UTP25: variants seen among roughly 807,000 people sequenced by gnomAD.
The protein encoded by UTP25 is UTP25 small subunit processome component.
Under a neutral mutation model 78.9 loss-of-function variants are expected in UTP25, and 50 were observed. The ratio of observed to expected loss-of-function variants is 0.63; its 90% CI spans 0.50 to 0.80. The LOEUF is 0.80. UTP25 is among the 30% of genes least tolerant of loss of function. The pLI, the probability that UTP25 is intolerant of heterozygous loss-of-function variation, is 0.00. For synonymous variants in UTP25, 329 were observed against 336.5 expected (o/e 0.98, Z 0.24); for missense variants, 846 against 911.3 (o/e 0.93, Z 0.92).
At chr1:209,828,750 GACAC>G (rs59664590) in intron 1 of UTP25, among the ~76,000 whole-genome samples, 1 of 148,164 alleles carries the variant, frequency 6.7e-6, no homozygotes, top group Non-Finnish European at 1.5e-5. Flanking sequence ...ATTTTTTGTA[GACAC>G]ACATATATAT....
In UTP25 at chr1:209,847,623, C is replaced by T. The variant is rs1170273301; in HGVS notation, c.2028-3581C>T. ...AAAATGACCATTATAGCTCTTTCCC[C>T]TCCGGCCAAAAAGGATTCAGTAAGG... On this transcript the variant is annotated intron_variant, in intron 11 of 11. Transcript: ENST00000491415. 2.0e-5 allele frequency among the ~76,000 whole-genome samples: 3 copies of T among 152,202 alleles called. No homozygotes were observed. In the East Asian group the frequency reaches 5.8e-4, roughly 29 times the overall value.
Position 209,852,212 on chromosome 1 carries a change from T to C in UTP25, c.*765T>C, listed in dbSNP as rs1207887709. 2 of 152,234 alleles carry C rather than the reference T, an allele frequency of 1.3e-5. No individual in the cohort carries two copies. Among genetic ancestry groups the C allele is most frequent in the African/African-American group, 2.4e-5 (1 of 41,450 alleles). 9.4% of individuals were successfully genotyped at this position (152,234 alleles called of 1,614,324 possible). ...TGCAAATAAAAAGGAAATTACACTT[T>C]TAAAAACATTTTTATTTTGAAACAT... On this transcript the variant is annotated 3_prime_UTR_variant, in exon 12 of 12. Coordinates refer to ENST00000491415, the MANE Select transcript of UTP25 (RefSeq NM_014388.7).
Position 209,842,588 on chromosome 1 carries a change from C to T in UTP25, c.1674C>T (p.Ala558=), listed in dbSNP as rs769390383. ...KYCVNMQGQV[A]VRNVPMTGSI... is the part of the protein sequence containing the mutation. Reference sequence around the variant, plus strand: ...CTCTTGTTGACTACTGGCAGGTGGCCGTGAGGAATGTCCCAATGACAGGCT... The same window carrying T: ...CTCTTGTTGACTACTGGCAGGTGGCTGTGAGGAATGTCCCAATGACAGGCT... The change falls in exon 10 of 12, where the codon GCC becomes GCT. Residue 558 remains alanine (A), a synonymous_variant. Transcript: ENST00000491415. 1.8e-5 allele frequency: 29 copies of T among 1,613,760 alleles called. No individual in the cohort carries two copies. In the South Asian group the frequency reaches 2.1e-4, roughly 12 times the overall value.
intron 4 of UTP25, among the ~76,000 whole-genome samples, chr1:209,834,080 GAGA>G (rs2078118444): frequency 6.6e-6 from 1 of 152,160 alleles, no homozygotes; most frequent in Non-Finnish European, 1.5e-5. Flanking sequence ...TATTTTGCAG[GAGA>G]AGAAGTGACA....
rs11589904 is a variant in UTP25, at chr1:209,851,390, G to A, written c.2214G>A (p.Ala738=). ...CTGCCGTGGTTGGTGTGGAGCGGGC[G>A]GCACAGATGCTACAGTCCAACAAGA... ...RLAAVVGVER[A]AQMLQSNKNV... The change falls in exon 12 of 12, where the codon GCG becomes GCA. Residue 738 remains alanine (A), a synonymous_variant. Transcript: ENST00000491415. The A allele has an allele frequency of 4.0e-3, 6,429 of 1,613,876 alleles. 16 individuals are homozygous for A. Among genetic ancestry groups the A allele is most frequent in the South Asian group, 5.4e-3 (495 of 91,006 alleles).
At position 209,836,992 on chromosome 1, in the gene UTP25, A is replaced by G; in HGVS notation, c.843A>G (p.Glu281=). The change falls in exon 6 of 12, where the codon GAA becomes GAG. Residue 281 remains glutamate, a synonymous_variant. Coordinates refer to ENST00000491415, the MANE Select transcript of UTP25 (RefSeq NM_014388.7). ...GCCCATTCACCCCCCTCCAGAAAGA[A>G]CTCTTCTTAATTATGAATTCTTACC... ...SSSPFTPLQK[E]LFLIMNSYRD... 1 of 1,613,944 alleles carries G rather than the reference A, an allele frequency of 6.2e-7. No individual in the cohort carries two copies. Among genetic ancestry groups the G allele is most frequent in the Non-Finnish European group, 8.5e-7 (1 of 1,179,986 alleles).
chr1:209,844,619 C>T (rs538341587), intron 11 of UTP25: 10 of 116,706 alleles, frequency 8.6e-5, no homozygotes, highest in South Asian at 5.5e-4. Context: ...GCAACAAGAG[C>T]GAAACTCCAT....
intron 8 of UTP25, among the ~76,000 whole-genome samples, chr1:209,841,709 A>T (rs1165941580): frequency 6.6e-6 from 1 of 152,210 alleles, no homozygotes; most frequent in Admixed American, 6.5e-5. Context: ...AGCTTGCAGG[A>T]AGTTTGGGAC....
chr1:209,836,968 C>T lies in UTP25; in HGVS notation c.819C>T (p.Ser273=). The T allele has an allele frequency of 1.2e-6, 2 of 1,614,160 alleles. No homozygotes were observed. Among genetic ancestry groups the T allele is most frequent in the Non-Finnish European group, 8.5e-7 (1 of 1,180,022 alleles). Residue 273 remains serine, a synonymous_variant, in exon 6 of 12, where the codon AGC becomes AGT. Coordinates refer to ENST00000491415, the MANE Select transcript of UTP25 (RefSeq NM_014388.7). The part of the protein sequence containing the change: ...QFLSGPQKSS[S]PFTPLQKELF... The stretch of plus-strand genomic sequence containing the variant: ...TATCTGGTCCCCAAAAATCAAGCAG[C>T]CCATTCACCCCCCTCCAGAAAGAAC...
rs533314685 is a variant in UTP25, at chr1:209,836,762, T to C, written c.652-39T>C. ...ACTATGTGAATGTAATTTACTGTTA[T>C]TCATTTCTAATTTGGCTCTTGATCT... On this transcript the variant is annotated intron_variant, in intron 5 of 11. Coordinates refer to ENST00000491415, the MANE Select transcript of UTP25 (RefSeq NM_014388.7). 1.7e-5 allele frequency: 26 copies of C among 1,544,614 alleles called. No homozygotes were observed. The East Asian group carries it at 4.5e-4, about 27-fold the overall frequency.
chr1:209,829,314 T>C (rs2078089684), intron 1 of UTP25, among the ~76,000 whole-genome samples: 1 of 152,220 alleles, frequency 6.6e-6, no homozygotes, highest in South Asian at 2.1e-4. Context: ...TGTGTGTTTT[T>C]AAAGAATTTG....
In UTP25 at chr1:209,837,122, G is replaced by C; in HGVS notation, c.973G>C (p.Val325Leu). Reference sequence around the variant, plus strand: ...TCACATCCTCAAAGCCAATGCCCAGGTGCTTGGCAACAATAGCAGACGCCG... The same window carrying C: ...TCACATCCTCAAAGCCAATGCCCAGCTGCTTGGCAACAATAGCAGACGCCG... ...INHILKANAQ[V>L]LGNNSRRRSQ... The change falls in exon 6 of 12, where the codon GTG becomes CTG. Residue 325 changes from valine (V) to leucine (L), a missense_variant. By Grantham distance (32) the Val-to-Leu change is conservative. Transcript: ENST00000491415. 3 of 1,614,154 alleles carry C rather than the reference G, an allele frequency of 1.9e-6. No homozygotes were observed. The highest frequency in any genetic ancestry group is 2.5e-6 in the Non-Finnish European group (3 of 1,180,024).
Position 209,844,656 on chromosome 1 carries a change from C to A in UTP25, c.2027+960C>A, listed in dbSNP as rs867454747. 990 of 130,474 alleles carry A rather than the reference C, an allele frequency of 7.6e-3. 5 individuals are homozygous for A. The highest frequency in any genetic ancestry group is 0.023 in the Middle Eastern group (6 of 260). The allele number at this position is 130,474 out of a possible 1,614,324, so 8.1% of individuals were successfully genotyped here. On this transcript the variant is annotated intron_variant, in intron 11 of 11. Transcript: ENST00000491415. ...TCAAAAAAAAAAAAAAAAAAAAAAACCAACTCTAATTAGAGGGTTAGTAAT... is the reference window on the plus strand; with the variant it reads ...TCAAAAAAAAAAAAAAAAAAAAAAAACAACTCTAATTAGAGGGTTAGTAAT...
intron 11 of UTP25, chr1:209,844,632 CAAAAAAA>C (rs66685915): frequency 1.1e-4 from 10 of 89,732 alleles, no homozygotes; most frequent in Non-Finnish European, 2.2e-4. Context: ...AACTCCATCT[CAAAAAAA>C]AAAAAAAAAA....
At chr1:209,845,010 A>C (rs1434475972) in intron 11 of UTP25, among the ~76,000 whole-genome samples, 2 of 152,232 alleles carry the variant, frequency 1.3e-5, no homozygotes, top group Admixed American at 6.5e-5. Flanking sequence ...GAAATCTCCC[A>C]AGCTTTGGAG....
At chr1:209,831,581 T>C (rs59958527) in intron 3 of UTP25, among the ~76,000 whole-genome samples, 2,269 of 152,318 alleles carry the variant, frequency 0.015, 59 homozygotes, top group African/African-American at 0.051. Flanking sequence ...ATCACCTTCA[T>C]TGAGGTATCA....
chr1:209,850,494 T>A (rs1451612929), intron 11 of UTP25, among the ~76,000 whole-genome samples: 1 of 152,238 alleles, frequency 6.6e-6, no homozygotes, highest in Non-Finnish European at 1.5e-5. Flanking sequence ...CTTGTCAACA[T>A]ATAAAATCTT....
At position 209,837,108 on chromosome 1, in the gene UTP25, A is replaced by G; in HGVS notation, c.959A>G (p.Lys320Arg). Residue 320 changes from lysine (K) to arginine (R), a missense_variant, in exon 6 of 12, where the codon AAA becomes AGA. Lys to Arg is a conservative substitution (Grantham distance 26). Transcript: ENST00000491415. ...YCLHVINHIL[K>R]ANAQVLGNNS... ...CTGCATGTGATAAATCACATCCTCA[A>G]AGCCAATGCCCAGGTGCTTGGCAAC... The G allele has an allele frequency of 5.6e-6, 9 of 1,614,154 alleles. No homozygotes were observed. The highest frequency in any genetic ancestry group is 7.6e-6 in the Non-Finnish European group (9 of 1,180,006).
intron 11 of UTP25, among the ~76,000 whole-genome samples, chr1:209,845,532 A>G (rs1467138292): frequency 6.6e-6 from 1 of 152,186 alleles, no homozygotes; most frequent in Non-Finnish European, 1.5e-5. Context: ...CAGGGCATGG[A>G]GCCCTTTGTA....
Sources: allele counts gnomAD v4.1 joint callset (sites outside exome capture counted in the v4.1 genomes callset), GRCh38; gene constraint gnomAD v4.1.1; transcripts MANE v1.5; gene names NCBI Gene and HGNC (gene_info 2026-07-23, HGNC 2026-07-21).